Variants in SLC25A28 observed in about 807,000 individuals in gnomAD.
SLC25A28 encodes solute carrier family 25 member 28.
A neutral mutation model predicts 31.9 loss-of-function variants in SLC25A28; 10 were observed. The observed-to-expected ratio is 0.31, with a 90% confidence interval of 0.19 to 0.53. The LOEUF is 0.53. Among genes scored for constraint, SLC25A28 ranks in the 20% least tolerant of loss-of-function variants. The probability of loss-of-function intolerance (pLI) is 0.95; values close to 1 mark genes in which losing one functional copy is unlikely to be tolerated. For missense variants in SLC25A28, 256 were observed against 490.3 expected (o/e 0.52, Z 4.51); for synonymous variants, 208 against 203.6 (o/e 1.02, Z -0.19).
chr10:99,622,195 G>C (rs186077988), upstream of SLC25A28, among the ~76,000 whole-genome samples: 4 of 152,278 alleles, frequency 2.6e-5, no homozygotes, highest in African/African-American at 9.6e-5. Context: ...TCAAAAATTA[G>C]CTGGGTATGG....
At chr10:99,617,609 C>T in intron 1 of SLC25A28, 1 of 985,434 alleles carries the variant, frequency 1.0e-6, no homozygotes, top group Non-Finnish European at 1.2e-6. Context: ...TTCATGCCTG[C>T]ACAAAAGTGT....
rs1401738586 is a variant in SLC25A28, at chr10:99,610,843, G to A, written c.*6C>T. ...ATCTGAACCCCTGGCTTCGTTCAGT[G>A]CTACTTCACTTGCCAGCCCTCCACT... is the stretch of plus-strand genomic sequence containing the variant. On this transcript the variant is annotated 3_prime_UTR_variant, in exon 4 of 4. Coordinates refer to ENST00000370495, the MANE Select transcript of SLC25A28 (RefSeq NM_031212.4). The A allele has an allele frequency of 1.9e-6, 3 of 1,611,876 alleles. No homozygotes were observed. Among genetic ancestry groups the A allele is most frequent in the African/African-American group, 2.7e-5 (2 of 74,902 alleles).
intron 3 of SLC25A28, 35 bp downstream of exon 3, chr10:99,612,508 G>T: frequency 6.2e-7 from 1 of 1,609,094 alleles, no homozygotes; most frequent in Non-Finnish European, 8.5e-7. Context: ...TACAGGTGCA[G>T]CTGCCCACAG....
At chr10:99,624,281 G>A (rs1372872516), upstream of SLC25A28, among the ~76,000 whole-genome samples, 1 of 146,778 alleles carries the variant, frequency 6.8e-6, no homozygotes, top group Non-Finnish European at 1.5e-5. Context: ...CTTTTGTAGA[G>A]ACAGGGTCTT....
the SLC25A28 span, among the ~76,000 whole-genome samples, chr10:99,657,402 G>T: frequency 6.6e-6 from 1 of 152,120 alleles, no homozygotes; most frequent in African/African-American, 2.4e-5. Context: ...GTATAATGTT[G>T]TGGTTAATCC....
At chr10:99,645,830 C>A in the SLC25A28 span, among the ~76,000 whole-genome samples, 1 of 152,214 alleles carries the variant, frequency 6.6e-6, no homozygotes, top group African/African-American at 2.4e-5. Flanking sequence ...AGGTCCACTC[C>A]AGACTCTGTT....
the SLC25A28 span, among the ~76,000 whole-genome samples, chr10:99,643,804 T>G: frequency 2.0e-5 from 3 of 152,204 alleles, no homozygotes; most frequent in Non-Finnish European, 4.4e-5. Context: ...TCTTTATTTC[T>G]GCCTTCATTT....
the SLC25A28 span, among the ~76,000 whole-genome samples, chr10:99,628,020 G>C: frequency 1.3e-3 from 203 of 152,216 alleles, 1 homozygote; most frequent in African/African-American, 4.8e-3. Flanking sequence ...ACCAATCTCT[G>C]ACTATTATCA....
At chr10:99,612,405 A>G (rs2034546837) in intron 3 of SLC25A28, 138 bp downstream of exon 3, 1 of 943,506 alleles carries the variant, frequency 1.1e-6, no homozygotes, top group East Asian at 2.4e-5. Flanking sequence ...GTTAGGTACC[A>G]AAAACATGGA....
chr10:99,657,616 C>G, the SLC25A28 span, among the ~76,000 whole-genome samples: 1 of 152,152 alleles, frequency 6.6e-6, no homozygotes, highest in South Asian at 2.1e-4. Context: ...AATATAGAAA[C>G]TGGACAATGG....
the SLC25A28 span, chr10:99,652,354 G>GA: frequency 6.6e-6 from 1 of 152,436 alleles, no homozygotes; most frequent in Non-Finnish European, 1.5e-5. Context: ...CCTGGTAAGA[G>GA]AAAGCAGGGG....
At chr10:99,655,032 G>A in the SLC25A28 span, among the ~76,000 whole-genome samples, 40 of 152,312 alleles carry the variant, frequency 2.6e-4, no homozygotes, top group Middle Eastern at 3.4e-3. Flanking sequence ...AAGCACTGCA[G>A]GTTTTTGCAA....
chr10:99,621,570 C>T (rs1166774166), upstream of SLC25A28: 1 of 152,346 alleles, frequency 6.6e-6, no homozygotes, highest in African/African-American at 2.4e-5. Context: ...TCCCTCGGGT[C>T]AGCCCGGGTC....
the SLC25A28 span, among the ~76,000 whole-genome samples, chr10:99,630,275 C>T: frequency 1.3e-5 from 2 of 152,116 alleles, no homozygotes; most frequent in East Asian, 1.9e-4. Flanking sequence ...ATTAACGATG[C>T]GCACCACCAC....
At chr10:99,648,349 G>T in the SLC25A28 span, among the ~76,000 whole-genome samples, 1 of 152,162 alleles carries the variant, frequency 6.6e-6, no homozygotes, top group Non-Finnish European at 1.5e-5. Context: ...CTACTTTGGT[G>T]ACTATAGCCT....
chr10:99,631,357 T>C, the SLC25A28 span, among the ~76,000 whole-genome samples: 2 of 152,212 alleles, frequency 1.3e-5, no homozygotes, highest in African/African-American at 4.8e-5. Flanking sequence ...AAACATAGCT[T>C]CCTCAAGGTA....
At position 99,618,194 on chromosome 10, in the gene SLC25A28, G is replaced by A. The variant is rs13376853; in HGVS notation, c.291+1851C>T. ...AAATATTCTAGAAGCATTTTTAACA[G>A]GGATTTATAAAATGTTTATAGCAAC... On this transcript the variant is annotated intron_variant, in intron 1 of 3. Transcript: ENST00000370495. 5.4e-4 allele frequency: 463 copies of A among 864,530 alleles called. 1 individual carries two copies. The African/African-American group carries it at 8.0e-3, about 15-fold the overall frequency. The allele number at this position is 864,530 out of a possible 1,614,324, so 53.6% of individuals were successfully genotyped here. A position where few individuals can be genotyped will look rare whatever the true frequency, so the allele number is the denominator to read the frequency against.
Position 99,617,007 on chromosome 10 carries a change from TATGTATAG to T in SLC25A28, c.291+3030_291+3037del, listed in dbSNP as rs1397447759. The T allele has an allele frequency of 5.1e-6, 5 of 985,078 alleles. No homozygotes were observed. In the African/African-American group the frequency reaches 8.7e-5, roughly 17 times the overall value. The allele number at this position is 985,078 out of a possible 1,614,324, so 61.0% of individuals were successfully genotyped here. ...CATTTCCTAATCTTTCACAGGTGAA[TATGTATAG>T]ATACCATTTACATCTGGAAATTGGA... is the stretch of plus-strand genomic sequence containing the variant. On this transcript the variant is annotated intron_variant, in intron 1 of 3. Coordinates refer to ENST00000370495, the MANE Select transcript of SLC25A28 (RefSeq NM_031212.4).
the SLC25A28 span, among the ~76,000 whole-genome samples, chr10:99,628,416 CTT>C: frequency 6.6e-6 from 1 of 152,176 alleles, no homozygotes; most frequent in Non-Finnish European, 1.5e-5. Context: ...ACAAATTTGT[CTT>C]TTATATTTTC....
Sources: allele counts gnomAD v4.1 joint callset (sites outside exome capture counted in the v4.1 genomes callset), GRCh38; gene constraint gnomAD v4.1.1; transcripts MANE v1.5; gene names NCBI Gene and HGNC (gene_info 2026-07-23, HGNC 2026-07-21).